The following OTUD4 variants were observed in gnomAD, a reference collection of about 807,000 sequenced individuals.
OTUD4 encodes OTU domain-containing protein 4.
A neutral mutation model predicts 130.4 loss-of-function variants in OTUD4; 24 were observed. That is an observed-to-expected ratio of 0.18 (90% CI 0.13 to 0.26). The LOEUF (loss-of-function observed/expected upper bound fraction) is 0.26, where lower values mean the gene tolerates loss of function less well. Among genes scored for constraint, OTUD4 ranks in the 10% least tolerant of loss-of-function variants. OTUD4 has a pLI of 1.00. For missense variants in OTUD4, 1,031 were observed against 1,329.4 expected, an observed-to-expected ratio of 0.78 and a Z score of 3.49; for synonymous variants, 420 against 472.5, an observed-to-expected ratio of 0.89 and a Z score of 1.44.
rs1751019950 is a variant in OTUD4 at position 145,150,557 on chromosome 4, G to A, written c.1215C>T (p.Ser405=). ...HSSGSQSQKF[S]SEHKNLSRTP... ...TCCGGCTAAGATTTTTGTGCTCACT[G>A]GAGAATTTCTGAGACTGTGACCCTG... The change falls in exon 13 of 21, where the codon TCC becomes TCT. Residue 405 remains serine, a synonymous_variant. Coordinates refer to ENST00000447906, the MANE Select transcript of OTUD4 (RefSeq NM_001366057.1). The A allele has an allele frequency of 6.2e-7, 1 of 1,611,770 alleles. No individual in the cohort carries two copies. The highest frequency in any genetic ancestry group is 8.5e-7 in the Non-Finnish European group (1 of 1,178,104).
At position 145,164,189 on chromosome 4, in the gene OTUD4, G is replaced by T; in HGVS notation, c.379C>A (p.Pro127Thr). The T allele has an allele frequency of 6.9e-7, 1 of 1,442,162 alleles. No individual in the cohort carries two copies. Among genetic ancestry groups the T allele is most frequent in the Non-Finnish European group, 9.6e-7 (1 of 1,045,416 alleles). 89.3% of individuals were successfully genotyped at this position (1,442,162 alleles called of 1,614,324 possible). Residue 127 changes from proline to threonine, a missense_variant, in exon 5 of 21, where the codon CCT becomes ACT. By Grantham distance (38) the Pro-to-Thr change is conservative. This residue lies in a region of OTUD4 where 77 missense variants were observed against 172.9 expected (regional missense o/e 0.45). Transcript: ENST00000447906. ...AAATTATTTTCTGTTACTTGTGAAG[G>T]AGAAACATTTGGTTCCCGATAAATT... ...FIIYREPNVSPSQVTENNFPE... is the reference protein window; with the variant it reads ...FIIYREPNVSTSQVTENNFPE...
chr4:145,142,504 A>G (rs1750612242), intron 17 of OTUD4, among the ~76,000 whole-genome samples, 170 bp from the exon 18 acceptor site: 1 of 152,256 alleles, frequency 6.6e-6, no homozygotes, highest in Non-Finnish European at 1.5e-5. Context: ...GTAGCTAAAG[A>G]TAATATGCAA....
chr4:145,162,524 C>G (rs1751628249), intron 6 of OTUD4, 116 bp downstream of exon 6: 1 of 530,338 alleles, frequency 1.9e-6, no homozygotes, highest in Admixed American at 4.1e-5. Flanking sequence ...TGCACTCCAG[C>G]CTGGGAGACA....
chr4:145,173,616 G>C (rs1752284083), intron 2 of OTUD4, among the ~76,000 whole-genome samples: 1 of 151,914 alleles, frequency 6.6e-6, no homozygotes, highest in African/African-American at 2.4e-5. Flanking sequence ...TGCGTTACCA[G>C]GTTTTTTTAA....
intron 13 of OTUD4, among the ~76,000 whole-genome samples, chr4:145,150,192 T>A (rs912020601): frequency 6.6e-6 from 1 of 152,198 alleles, no homozygotes; most frequent in African/African-American, 2.4e-5. Flanking sequence ...GAATGCAATC[T>A]GGAATCCAGT....
At chr4:145,170,043 T>C (rs1239065901) in intron 3 of OTUD4, among the ~76,000 whole-genome samples, 1 of 152,152 alleles carries the variant, frequency 6.6e-6, no homozygotes, top group African/African-American at 2.4e-5. Context: ...AAGCTGAGAA[T>C]TACAATTTTA....
At chr4:145,164,436 T>C (rs1411511377) in intron 4 of OTUD4, among the ~76,000 whole-genome samples, 1 of 152,064 alleles carries the variant, frequency 6.6e-6, no homozygotes, top group Admixed American at 6.5e-5. Flanking sequence ...TATTTGTATA[T>C]ATATTAAATT....
chr4:145,153,206 C>T (rs1029465515), intron 10 of OTUD4, among the ~76,000 whole-genome samples: 6 of 152,132 alleles, frequency 3.9e-5, no homozygotes, highest in African/African-American at 1.2e-4. Flanking sequence ...TTTTCTAACA[C>T]TTATTTTCTA....
In OTUD4 at chr4:145,144,003, T is replaced by C. The variant is rs2126746589; in HGVS notation, c.1547-2A>G. On this transcript the variant is annotated splice_acceptor_variant, in intron 15 of 20. Transcript: ENST00000447906. LOFTEE classifies it high-confidence loss of function. ...ACTGACTATGTCCATGAATAGAGTC[T>C]ATAGCAGATCAAGATTAAAAAAGAC... The C allele has an allele frequency of 6.2e-7, 1 of 1,610,198 alleles. No homozygotes were observed. Among genetic ancestry groups the C allele is most frequent in the East Asian group, 2.2e-5 (1 of 44,794 alleles).
In OTUD4 at chr4:145,135,736, GT is replaced by G. The variant is rs1435667842; in HGVS notation, c.*1693del. 6.6e-6 allele frequency: 1 copy of G among 152,542 alleles called. No homozygotes were observed. Among genetic ancestry groups the G allele is most frequent in the Non-Finnish European group, 1.5e-5 (1 of 68,026 alleles). 9.4% of individuals were successfully genotyped at this position (152,542 alleles called of 1,614,324 possible). On this transcript the variant is annotated 3_prime_UTR_variant, in exon 21 of 21. Coordinates refer to ENST00000447906, the MANE Select transcript of OTUD4 (RefSeq NM_001366057.1). ...TCATAATAAAATGTTATCTTTCAAA[GT>G]GCTCTCTAAAATCCTGTTACATTAT...
rs1750153377 is a variant in OTUD4, at chr4:145,134,705, G to A, written c.*2725C>T. On this transcript the variant is annotated 3_prime_UTR_variant, in exon 21 of 21. Transcript: ENST00000447906. ...TAAACAGTATGAGGACTACACAGAT[G>A]CCAGCATCCTGCTGCCAAGGAGACA... is the stretch of plus-strand genomic sequence containing the variant. 4 of 398,944 alleles carry A rather than the reference G, an allele frequency of 1.0e-5. No homozygotes were observed. Among genetic ancestry groups the A allele is most frequent in the Admixed American group, 4.4e-5 (1 of 22,724 alleles). 24.7% of individuals were successfully genotyped at this position (398,944 alleles called of 1,614,324 possible).
chr4:145,159,014 G>T, intron 7 of OTUD4: 1 of 236,868 alleles, frequency 4.2e-6, no homozygotes, highest in Non-Finnish European at 6.9e-6. Context: ...TCTACGTTCA[G>T]ACATATTTAC....
In OTUD4 at chr4:145,143,977, AACTG is replaced by A. The variant is rs1750703017; in HGVS notation, c.1567_1570del (p.Gln523TrpfsTer30). On this transcript the variant is annotated frameshift_variant, in exon 16 of 21. Transcript: ENST00000447906. LOFTEE classifies it high-confidence loss of function. ...TGTGCTTGGTTCGGGTCTTTTATCC[AACTG>A]ACTATGTCCATGAATAGAGTCTATA... 4 of 1,613,010 alleles carry A rather than the reference AACTG, an allele frequency of 2.5e-6. No homozygotes were observed. Among genetic ancestry groups the A allele is most frequent in the East Asian group, 2.2e-5 (1 of 44,834 alleles).
Position 145,135,065 on chromosome 4 carries a change from T to TA in OTUD4, c.*2364dup. ...CATAAGGCAAAATCCCCTGGACTAA[T>TA]ACATTTAAAAACAAACTTAAAGGAA... On this transcript the variant is annotated 3_prime_UTR_variant, in exon 21 of 21. Coordinates refer to ENST00000447906, the MANE Select transcript of OTUD4 (RefSeq NM_001366057.1). 1 of 376,476 alleles carries TA rather than the reference T, an allele frequency of 2.7e-6. No homozygotes were observed. The highest frequency in any genetic ancestry group is 4.6e-5 in the Admixed American group (1 of 21,780). 23.3% of individuals were successfully genotyped at this position (376,476 alleles called of 1,614,324 possible). A position where few individuals can be genotyped will look rare whatever the true frequency, so the allele number is the denominator to read the frequency against.
At chr4:145,176,812 C>T (rs1205930707) in intron 1 of OTUD4, among the ~76,000 whole-genome samples, 1 of 152,204 alleles carries the variant, frequency 6.6e-6, no homozygotes, top group East Asian at 1.9e-4. Context: ...TCTTGGATCA[C>T]AACCAAGGCT....
Position 145,136,720 on chromosome 4 carries a change from A to C in OTUD4, c.*710T>G, listed in dbSNP as rs1330571442. The stretch of plus-strand genomic sequence containing the variant: ...CAGCCATTTCATTGGATTTCCTACT[A>C]TTCTTCTATGCAATCTCAACAAATA... On this transcript the variant is annotated 3_prime_UTR_variant, in exon 21 of 21. Transcript: ENST00000447906. 1 of 152,624 alleles carries C rather than the reference A, an allele frequency of 6.6e-6. No individual in the cohort carries two copies. Among genetic ancestry groups the C allele is most frequent in the Non-Finnish European group, 1.5e-5 (1 of 68,022 alleles). 9.5% of individuals were successfully genotyped at this position (152,624 alleles called of 1,614,324 possible).
chr4:145,140,200 G>A (rs960770851), intron 19 of OTUD4, among the ~76,000 whole-genome samples: 1 of 152,070 alleles, frequency 6.6e-6, no homozygotes. Context: ...AATAGGCTTT[G>A]TCTGTTAGCA....
rs1750114365 is a variant in OTUD4 at position 145,133,811 on chromosome 4, T to TA, written c.*3618dup. ...AATAAACAGGAATATATTCAACACT[T>TA]ACAAAAAGTGATATGATAAAGAATA... On this transcript the variant is annotated 3_prime_UTR_variant, in exon 21 of 21. Transcript: ENST00000447906. The TA allele has an allele frequency of 6.6e-6, 1 of 152,562 alleles. No individual in the cohort carries two copies. Among genetic ancestry groups the TA allele is most frequent in the African/African-American group, 2.4e-5 (1 of 41,432 alleles). The allele number at this position is 152,562 out of a possible 1,614,324, so 9.5% of individuals were successfully genotyped here.
chr4:145,165,216 G>A lies in OTUD4; in HGVS notation c.295-19C>T. On this transcript the variant is annotated intron_variant, in intron 3 of 20. Coordinates refer to ENST00000447906, the MANE Select transcript of OTUD4 (RefSeq NM_001366057.1). ...CCCATTCCTGTATTGAAGAAAAAAA[G>A]GTGGCATGTAAGTGTCTCACACTTT... 1 of 1,593,780 alleles carries A rather than the reference G, an allele frequency of 6.3e-7. No individual in the cohort carries two copies. The highest frequency in any genetic ancestry group is 2.2e-5 in the East Asian group (1 of 44,662).
Sources: allele counts gnomAD v4.1 joint callset (sites outside exome capture counted in the v4.1 genomes callset), GRCh38; gene constraint gnomAD v4.1.1; regional missense constraint gnomAD v4.1.1; transcripts MANE v1.5; gene names NCBI Gene and HGNC (gene_info 2026-07-23, HGNC 2026-07-21).